WDR7: variants seen among roughly 807,000 people sequenced by gnomAD.
The protein encoded by WDR7 is WD repeat-containing protein 7.
Under a neutral mutation model 169.4 loss-of-function variants are expected in WDR7, and 46 were observed. The ratio of observed to expected loss-of-function variants is 0.27; its 90% CI spans 0.21 to 0.35. WDR7 has a LOEUF of 0.35. Ranked by LOEUF, WDR7 falls within the 10% of genes least tolerant of loss-of-function variation. WDR7 has a pLI of 1.00. For missense variants in WDR7, 1,534 were observed against 1,859.3 expected (o/e 0.83, Z 3.22); for synonymous variants, 612 against 666.8 (o/e 0.92, Z 1.27).
chr18:56,758,176 C>G lies in WDR7; in HGVS notation c.2760-689C>G, dbSNP rs145053196. Among the ~76,000 whole-genome samples the G allele has an allele frequency of 8.7e-3, 1,320 of 152,088 alleles. 15 individuals carry two copies. Among genetic ancestry groups the G allele is most frequent in the South Asian group, 0.014 (66 of 4,812 alleles). ...GCCTCAATTTGTCTTTTTATGGAGACAACTTTTTATTATACTCTATTGAGC... is the reference window on the plus strand; with the variant it reads ...GCCTCAATTTGTCTTTTTATGGAGAGAACTTTTTATTATACTCTATTGAGC... On this transcript the variant is annotated intron_variant, in intron 15 of 27. Coordinates refer to ENST00000254442, the MANE Select transcript of WDR7 (RefSeq NM_015285.3).
chr18:56,975,451 G>A (rs1461706206), intron 26 of WDR7, among the ~76,000 whole-genome samples: 1 of 152,096 alleles, frequency 6.6e-6, no homozygotes, highest in Non-Finnish European at 1.5e-5. Context: ...GATAGAGGAG[G>A]AGGTGGACAA....
chr18:56,957,033 C>A (rs2047260592), intron 25 of WDR7, among the ~76,000 whole-genome samples: 1 of 152,130 alleles, frequency 6.6e-6, no homozygotes, highest in South Asian at 2.1e-4. Context: ...GCTTTGGTGA[C>A]TATCCTACAA....
intron 26 of WDR7, among the ~76,000 whole-genome samples, chr18:57,011,306 G>C (rs1401633602): frequency 1.3e-5 from 2 of 150,308 alleles, no homozygotes; most frequent in Non-Finnish European, 2.9e-5. Flanking sequence ...GTTTGTCCTC[G>C]AATGACATAT....
chr18:56,681,406 C>G lies in WDR7; in HGVS notation c.345+15C>G, dbSNP rs199710579. ...CTGGCATACAGGTTAGTTTCTATTTCTGTGACTCTAAGTACAAACTATTAT... is the reference window on the plus strand; with the variant it reads ...CTGGCATACAGGTTAGTTTCTATTTGTGTGACTCTAAGTACAAACTATTAT... On this transcript the variant is annotated intron_variant, in intron 4 of 27. Transcript: ENST00000254442. 4.6e-5 allele frequency: 70 copies of G among 1,525,252 alleles called. No individual in the cohort carries two copies. In the African/African-American group the frequency reaches 7.5e-4, roughly 16 times the overall value. 94.5% of individuals were successfully genotyped at this position (1,525,252 alleles called of 1,614,324 possible).
intron 20 of WDR7, among the ~76,000 whole-genome samples, chr18:56,824,078 T>C (rs1167550898): frequency 6.6e-6 from 1 of 152,220 alleles, no homozygotes; most frequent in Non-Finnish European, 1.5e-5. Flanking sequence ...GGCTGACTTA[T>C]ATCTCTGATG....
At chr18:56,749,422 T>A (rs1202045368) in intron 14 of WDR7, among the ~76,000 whole-genome samples, 4 of 150,894 alleles carry the variant, frequency 2.7e-5, no homozygotes, top group African/African-American at 9.7e-5. Context: ...GTGTTAGATT[T>A]GTAATATTTC....
chr18:56,911,854 G>A (rs891120913), intron 21 of WDR7, among the ~76,000 whole-genome samples: 4 of 152,142 alleles, frequency 2.6e-5, no homozygotes, highest in African/African-American at 9.7e-5. Context: ...TCAGTTTCTT[G>A]CCATATTTTT....
intron 21 of WDR7, among the ~76,000 whole-genome samples, chr18:56,912,290 CGT>C (rs1459341663): frequency 6.6e-6 from 1 of 152,118 alleles, no homozygotes; most frequent in Non-Finnish European, 1.5e-5. Flanking sequence ...GTGAGAAATC[CGT>C]GTCACATAAA....
intron 16 of WDR7, among the ~76,000 whole-genome samples, chr18:56,775,872 C>T (rs932692522): frequency 1.3e-5 from 2 of 152,080 alleles, no homozygotes; most frequent in East Asian, 3.9e-4. Flanking sequence ...TGTTCAGGAG[C>T]CCAAACCTAT....
chr18:56,751,230 T>A (rs2043786137), intron 14 of WDR7, among the ~76,000 whole-genome samples: 1 of 152,168 alleles, frequency 6.6e-6, no homozygotes. Context: ...ATGGGCTGTC[T>A]GCTGGCACAC....
intron 26 of WDR7, among the ~76,000 whole-genome samples, chr18:56,963,320 G>A (rs1165106329): frequency 6.6e-6 from 1 of 152,058 alleles, no homozygotes; most frequent in Non-Finnish European, 1.5e-5. Context: ...TTTCTTTGTA[G>A]CATTTATTAA....
At chr18:56,847,487 A>T (rs897452458) in intron 20 of WDR7, among the ~76,000 whole-genome samples, 2 of 152,226 alleles carry the variant, frequency 1.3e-5, no homozygotes, top group African/African-American at 4.8e-5. Context: ...GAATACAAGC[A>T]GACTGTGGAG....
At chr18:56,701,585 G>A (rs1282480940) in intron 12 of WDR7, among the ~76,000 whole-genome samples, 1 of 151,972 alleles carries the variant, frequency 6.6e-6, no homozygotes. Flanking sequence ...ATTTAAACTC[G>A]AGCTTTTTAT....
intron 20 of WDR7, among the ~76,000 whole-genome samples, chr18:56,852,310 T>C (rs2045652878): frequency 6.6e-6 from 1 of 152,196 alleles, no homozygotes; most frequent in African/African-American, 2.4e-5. Flanking sequence ...AAACTTGATC[T>C]TTATGGCGTG....
At chr18:56,893,251 G>A (rs1223229566) in intron 21 of WDR7, among the ~76,000 whole-genome samples, 1 of 151,618 alleles carries the variant, frequency 6.6e-6, no homozygotes, top group African/African-American at 2.4e-5. Context: ...AACTTGGCCT[G>A]TAGTTTTCTG....
intron 14 of WDR7, among the ~76,000 whole-genome samples, chr18:56,735,674 C>A (rs1279434567): frequency 6.6e-6 from 1 of 152,080 alleles, no homozygotes; most frequent in Non-Finnish European, 1.5e-5. Flanking sequence ...TTGGATGGAA[C>A]AAAGATTGAC....
intron 12 of WDR7, among the ~76,000 whole-genome samples, chr18:56,714,564 C>T (rs1203674159): frequency 6.6e-6 from 1 of 151,712 alleles, no homozygotes; most frequent in African/African-American, 2.4e-5. Context: ...CCTCCCTCAG[C>T]CTCCCCATCG....
chr18:57,026,958 G>C, intron 27 of WDR7, 46 bp from the exon 28 acceptor site: 1 of 1,576,066 alleles, frequency 6.3e-7, no homozygotes, highest in Non-Finnish European at 8.7e-7. Flanking sequence ...GATAGGGAAA[G>C]GGAGAGGGCT....
At chr18:56,784,291 A>G (rs913320352) in intron 19 of WDR7, among the ~76,000 whole-genome samples, 1 of 152,216 alleles carries the variant, frequency 6.6e-6, no homozygotes, top group Non-Finnish European at 1.5e-5. Flanking sequence ...CTTTTGGTGT[A>G]TAAATGGTTT....
Sources: gnomAD v4.1 joint callset for allele counts (sites outside exome capture counted in the v4.1 genomes callset) on GRCh38, gnomAD v4.1.1 for gene constraint, MANE v1.5 for transcripts, NCBI Gene and HGNC (gene_info 2026-07-23, HGNC 2026-07-21) for gene names.